NAT10: variants seen among roughly 807,000 people sequenced by gnomAD.
NAT10 encodes RNA cytidine acetyltransferase.
A neutral mutation model predicts 132.2 loss-of-function variants in NAT10; 109 were observed. The observed-to-expected ratio is 0.82, with a 90% CI of 0.71 to 0.97. The LOEUF (loss-of-function observed/expected upper bound fraction) is 0.97, where lower values mean the gene tolerates loss of function less well. NAT10 is among the 50% of genes least tolerant of loss of function. The pLI is 0.00. For synonymous variants in NAT10, 479 were observed against 478.0 expected, an observed-to-expected ratio of 1.00 and a Z score of -0.03; for missense variants, 1,184 against 1,263.4, an observed-to-expected ratio of 0.94 and a Z score of 0.95.
At position 34,118,164 on chromosome 11, in the gene NAT10, C is replaced by T. The variant is rs371920588; in HGVS notation, c.558-16C>T. 4.1e-5 allele frequency: 65 copies of T among 1,591,372 alleles called. No individual in the cohort carries two copies. The highest frequency in any genetic ancestry group is 3.8e-4 in the South Asian group (34 of 90,630). ...TGCCCTCCCCAACACTTCATTGCAG[C>T]GGTTTTGTATCTCAGGTTTATTCTG... On this transcript the variant is annotated splice_polypyrimidine_tract_variant and intron_variant, in intron 6 of 28. Coordinates refer to ENST00000257829, the MANE Select transcript of NAT10 (RefSeq NM_024662.3).
At chr11:34,110,304 C>T (rs1851670737) in intron 3 of NAT10, among the ~76,000 whole-genome samples, 1 of 151,772 alleles carries the variant, frequency 6.6e-6, no homozygotes, top group Non-Finnish European at 1.5e-5. Flanking sequence ...TGACTAACCT[C>T]CCTCCTTTTC....
intron 3 of NAT10, among the ~76,000 whole-genome samples, chr11:34,110,559 CTTTTTTTTTT>C (rs948109196): frequency 9.8e-5 from 10 of 101,720 alleles, no homozygotes; most frequent in African/African-American, 2.2e-4. Flanking sequence ...TTTTCTTTCC[CTTTTTTTTTT>C]TTTTTTTTTT....
chr11:34,134,141 G>A (rs571862903), intron 16 of NAT10, among the ~76,000 whole-genome samples, 178 bp from the exon 17 acceptor site: 128 of 152,146 alleles, frequency 8.4e-4, no homozygotes, highest in Admixed American at 1.8e-3. Flanking sequence ...TCCAGCCTGG[G>A]CGACAGAGTG....
At chr11:34,127,873 T>C (rs1028952005) in intron 12 of NAT10, among the ~76,000 whole-genome samples, 1 of 152,226 alleles carries the variant, frequency 6.6e-6, no homozygotes, top group Non-Finnish European at 1.5e-5. Flanking sequence ...GTAGGTGTGA[T>C]AAAATGTTGA....
rs75704272 is a variant in NAT10 at position 34,137,666 on chromosome 11, A to T, written c.2211+640A>T. Reference sequence around the variant, plus strand: ...AATTGCTGTGTAGTTTGTGTTCAGTAAATACTTTTGTTGAGTGAATGAAAA... The same window carrying T: ...AATTGCTGTGTAGTTTGTGTTCAGTTAATACTTTTGTTGAGTGAATGAAAA... On this transcript the variant is annotated intron_variant, in intron 21 of 28. Transcript: ENST00000257829. 3.5e-4 allele frequency among the ~76,000 whole-genome samples: 53 copies of T among 152,342 alleles called. No individual in the cohort carries two copies. The East Asian group carries it at 0.01, about 29-fold the overall frequency.
intron 8 of NAT10, 115 bp downstream of exon 8, chr11:34,118,618 T>C: frequency 1.4e-6 from 1 of 731,260 alleles, no homozygotes; most frequent in South Asian, 1.9e-5. Context: ...AGAAGGGGAC[T>C]TTTCCCCTTG....
chr11:34,127,732 A>G, intron 12 of NAT10, 133 bp downstream of exon 12: 1 of 1,138,798 alleles, frequency 8.8e-7, no homozygotes, highest in Non-Finnish European at 1.2e-6. Flanking sequence ...AGGCTGCTTC[A>G]TTCTCTACTG....
At chr11:34,132,370 T>A in intron 15 of NAT10, 149 bp downstream of exon 15, 1 of 711,422 alleles carries the variant, frequency 1.4e-6, no homozygotes, top group Non-Finnish European at 2.5e-6. Context: ...TTGCTGTGTG[T>A]AGGTATAGAG....
chr11:34,117,783 A>G (rs1384781426), intron 6 of NAT10, among the ~76,000 whole-genome samples: 3 of 150,308 alleles, frequency 2.0e-5, no homozygotes, highest in Non-Finnish European at 4.4e-5. Context: ...ATTCATTTGT[A>G]TTTTTTCCCT....
chr11:34,118,124 T>C, intron 6 of NAT10, 56 bp from the exon 7 acceptor site: 1 of 1,390,842 alleles, frequency 7.2e-7, no homozygotes, highest in Non-Finnish European at 1.0e-6. Context: ...AGTTATACTC[T>C]GTATAGACAT....
rs865795813 is a variant in NAT10, at chr11:34,140,985, T to G, written c.2593-104T>G. The G allele has an allele frequency of 4.0e-6, 6 of 1,486,874 alleles. No individual in the cohort carries two copies. In the Middle Eastern group the frequency reaches 1.1e-3, roughly 262 times the overall value. The allele number at this position is 1,486,874 out of a possible 1,614,324, so 92.1% of individuals were successfully genotyped here. A position where few individuals can be genotyped will look rare whatever the true frequency, so the allele number is the denominator to read the frequency against. On this transcript the variant is annotated intron_variant, in intron 24 of 28. Transcript: ENST00000257829. ...CAATATACACAGTGCTAGTCTACCT[T>G]TGTACCAATAGCTTTGGTCAAGAGA...
intron 8 of NAT10, among the ~76,000 whole-genome samples, chr11:34,120,832 C>T (rs983105257): frequency 6.6e-6 from 1 of 152,242 alleles, no homozygotes; most frequent in South Asian, 2.1e-4. Context: ...GAGGGTGGGG[C>T]GCTGTGGTTC....
intron 12 of NAT10, among the ~76,000 whole-genome samples, chr11:34,129,320 A>G (rs1021728506): frequency 6.6e-6 from 1 of 152,162 alleles, no homozygotes; most frequent in African/African-American, 2.4e-5. Context: ...GGTTATAACC[A>G]TTCTAATAGG....
intron 21 of NAT10, among the ~76,000 whole-genome samples, chr11:34,137,919 G>A (rs879770129): frequency 1.3e-5 from 2 of 152,178 alleles, no homozygotes; most frequent in Non-Finnish European, 2.9e-5. Context: ...TGTCAGCAGC[G>A]GTGAGCTGCA....
Position 34,123,863 on chromosome 11 carries a change from A to AT in NAT10, c.1008+11dup. Reference sequence around the variant, plus strand: ...GATGCTCTGCAATATCAGGTAGGAAATTTGGATTAAGAATTTTTATTTTGG... The same window carrying AT: ...GATGCTCTGCAATATCAGGTAGGAAATTTTGGATTAAGAATTTTTATTTTGG... On this transcript the variant is annotated intron_variant, in intron 10 of 28. Transcript: ENST00000257829. 6.3e-7 allele frequency: 1 copy of AT among 1,594,034 alleles called. No homozygotes were observed. Among genetic ancestry groups the AT allele is most frequent in the Non-Finnish European group, 8.6e-7 (1 of 1,161,958 alleles).
intron 1 of NAT10, chr11:34,106,931 T>C (rs1043084342): frequency 2.0e-5 from 3 of 152,170 alleles, no homozygotes; most frequent in Non-Finnish European, 4.4e-5. Flanking sequence ...ATGTCACTTT[T>C]ACATCTAAGT....
intron 21 of NAT10, chr11:34,138,896 G>A (rs942052085): frequency 3.7e-5 from 13 of 354,820 alleles, no homozygotes; most frequent in African/African-American, 1.4e-4. Flanking sequence ...TTTCCCTCCC[G>A]CACGTCCCGA....
chr11:34,124,596 T>C (rs1464602661), intron 11 of NAT10, among the ~76,000 whole-genome samples, 196 bp downstream of exon 11: 1 of 152,200 alleles, frequency 6.6e-6, no homozygotes, highest in Non-Finnish European at 1.5e-5. Flanking sequence ...CTAACAAATA[T>C]ATGTAGTTAG....
In NAT10 at chr11:34,120,476, C is replaced by T. The variant is rs546656793; in HGVS notation, c.780+1973C>T. On this transcript the variant is annotated intron_variant, in intron 8 of 28. Transcript: ENST00000257829. ...CTTCAGTGTCTTCTTAGCATCATTG[C>T]CTAGGCAAGCATGACAACTTCTCAG... 4.6e-5 allele frequency among the ~76,000 whole-genome samples: 7 copies of T among 152,336 alleles called. No individual in the cohort carries two copies. The East Asian group carries it at 1.3e-3, about 29-fold the overall frequency.
Sources: gnomAD v4.1 joint callset for allele counts (sites outside exome capture counted in the v4.1 genomes callset) on GRCh38, gnomAD v4.1.1 for gene constraint, MANE v1.5 for transcripts, NCBI Gene and HGNC (gene_info 2026-07-23, HGNC 2026-07-21) for gene names.